The following CXorf58 variants were observed in gnomAD, a reference collection of about 807,000 sequenced individuals.
CXorf58 encodes chromosome X open reading frame 58.
CXorf58 carries 24 observed loss-of-function variants against 26.0 expected under a neutral mutation model. That is an observed-to-expected ratio of 0.92 (90% CI 0.67 to 1.30). CXorf58 has a LOEUF of 1.30. CXorf58 is among the 50% of genes most tolerant of loss of function. The pLI is 0.00. For synonymous variants in CXorf58, 87 were observed against 86.1 expected (o/e 1.01, Z -0.06); for missense variants, 236 against 263.9 (o/e 0.89, Z 0.73).
chrX:23,922,245 G>A (rs1927890155), intron 5 of CXorf58, among the ~76,000 whole-genome samples: 1 of 109,848 alleles, frequency 9.1e-6, no homozygotes, highest in South Asian at 4.0e-4. Context: ...GCGGTGGCAC[G>A]TGCCTGTAAT....
intron 5 of CXorf58, among the ~76,000 whole-genome samples, chrX:23,922,010 A>T (rs1311952332): frequency 2.7e-5 from 3 of 110,956 alleles, no homozygotes; most frequent in East Asian, 2.8e-4. Context: ...GATCTTAAAC[A>T]TTTTATGCAC....
At chrX:23,931,151 A>G (rs1924009758) in intron 6 of CXorf58, among the ~76,000 whole-genome samples, 3 of 111,975 alleles carry the variant, frequency 2.7e-5, no homozygotes, top group African/African-American at 9.7e-5. Flanking sequence ...GCAGTGCCTT[A>G]GAGACTCCCA....
chrX:23,930,758 G>C (rs1168436082), intron 6 of CXorf58, among the ~76,000 whole-genome samples: 3 of 111,424 alleles, frequency 2.7e-5, no homozygotes, highest in East Asian at 5.6e-4. Flanking sequence ...TAGCAATAAA[G>C]TATTTTTTTT....
intron 5 of CXorf58, among the ~76,000 whole-genome samples, chrX:23,923,239 C>A (rs1165829857): frequency 9.0e-6 from 1 of 111,411 alleles, no homozygotes; most frequent in East Asian, 2.8e-4. Context: ...TGCTGCCAGG[C>A]ATGTTTTTCT....
intron 3 of CXorf58, among the ~76,000 whole-genome samples, chrX:23,915,426 A>G (rs1433757426): frequency 3.6e-5 from 4 of 111,627 alleles, no homozygotes; most frequent in African/African-American, 1.3e-4. Context: ...GTTGATAAGT[A>G]ATTATAATAT....
chrX:23,911,389 A>C (rs1308071481), intron 2 of CXorf58, among the ~76,000 whole-genome samples: 1 of 111,819 alleles, frequency 8.9e-6, no homozygotes, highest in African/African-American at 3.3e-5. Flanking sequence ...CACTTGAACT[A>C]GTTGGACGTT....
At position 23,909,701 on chromosome X, in the gene CXorf58, C is replaced by CGT; in HGVS notation, c.-20-582_-20-581insGT. On this transcript the variant is annotated intron_variant, in intron 1 of 8. Transcript: ENST00000379211. ...TTTGGGAGCTGCATCCAAATTGGAG[C>CGT]ATTACTGCATCCAAACTCGTTGCTT... Among the ~76,000 whole-genome samples the CGT allele has an allele frequency of 1.8e-5, 2 of 110,942 alleles. 1 individual carries two copies. Among genetic ancestry groups the CGT allele is most frequent in the East Asian group, 5.6e-4 (2 of 3,543 alleles).
In CXorf58 at chrX:23,922,625, G is replaced by C. The variant is rs958154518; in HGVS notation, c.424-4614G>C. 2.7e-5 allele frequency among the ~76,000 whole-genome samples: 3 copies of C among 112,121 alleles called. No individual in the cohort carries two copies. In the Admixed American group the frequency reaches 2.8e-4, roughly 11 times the overall value. On this transcript the variant is annotated intron_variant, in intron 5 of 8. Coordinates refer to ENST00000379211, the MANE Select transcript of CXorf58 (RefSeq NM_152761.3). ...AGGAAGCTAGAAGTTGGAAAGACTT[G>C]CCAGGAGCATAACTGAGACTTGAAC... is the stretch of plus-strand genomic sequence containing the variant.
At chrX:23,934,742 T>TA (rs1483702930) in intron 6 of CXorf58, among the ~76,000 whole-genome samples, 1 of 109,856 alleles carries the variant, frequency 9.1e-6, no homozygotes, top group Non-Finnish European at 1.9e-5. Flanking sequence ...CAGGCTGGTC[T>TA]CGAACTCCCG....
chrX:23,921,146 C>T (rs1470792908), intron 5 of CXorf58, among the ~76,000 whole-genome samples: 1 of 111,165 alleles, frequency 9.0e-6, no homozygotes, highest in Non-Finnish European at 1.9e-5. Flanking sequence ...TGGGTCTACT[C>T]CTGCCACCCC....
At chrX:23,920,751 T>C (rs1408792751) in intron 5 of CXorf58, among the ~76,000 whole-genome samples, 30 of 106,552 alleles carry the variant, frequency 2.8e-4, no homozygotes, top group African/African-American at 1.1e-3. Flanking sequence ...ATTAGCCGGG[T>C]GTGGTGGTGG....
chrX:23,929,405 CAAAAAAA>C (rs1169185534), intron 6 of CXorf58, among the ~76,000 whole-genome samples: 1 of 36,471 alleles, frequency 2.7e-5, no homozygotes. Flanking sequence ...GACTGTGTCT[CAAAAAAA>C]AAAAAAAAAA....
intron 5 of CXorf58, among the ~76,000 whole-genome samples, chrX:23,919,418 G>A (rs758843898): frequency 6.2e-5 from 7 of 112,078 alleles, no homozygotes; most frequent in Non-Finnish European, 1.1e-4. Flanking sequence ...CTTTCTGCTC[G>A]ATTATTTTTA....
chrX:23,934,969 A>G (rs778755316), intron 6 of CXorf58, among the ~76,000 whole-genome samples: 3 of 109,918 alleles, frequency 2.7e-5, no homozygotes, highest in Admixed American at 2.0e-4. Context: ...AGTTCAAGCA[A>G]TTCTCCTGCC....
At chrX:23,923,978 A>G (rs1329038765) in intron 5 of CXorf58, among the ~76,000 whole-genome samples, 3 of 111,729 alleles carry the variant, frequency 2.7e-5, no homozygotes, top group Admixed American at 1.9e-4. Flanking sequence ...AGGCAGGAGA[A>G]TCGCTCGAAT....
At chrX:23,931,904 GA>G (rs1225440324) in intron 6 of CXorf58, among the ~76,000 whole-genome samples, 1 of 112,328 alleles carries the variant, frequency 8.9e-6, no homozygotes. Flanking sequence ...AACACATTTA[GA>G]ACACTTTTAG....
rs778109973 is a variant in CXorf58, at chrX:23,920,284, C to T, written c.423+3956C>T. On this transcript the variant is annotated intron_variant, in intron 5 of 8. Transcript: ENST00000379211. ...CAGTACAGGTTTTACTCCTTGGACCCTTATACATGACTATATTTAAGTTTT... is the reference window on the plus strand; with the variant it reads ...CAGTACAGGTTTTACTCCTTGGACCTTTATACATGACTATATTTAAGTTTT... Among the ~76,000 whole-genome samples the T allele has an allele frequency of 2.9e-4, 33 of 112,703 alleles. 1 individual carries two copies. The highest frequency in any genetic ancestry group is 2.4e-4 in the Non-Finnish European group (13 of 53,331).
rs1467071945 is a variant in CXorf58, at chrX:23,938,556, C to T, written c.795C>T (p.Tyr265=). Residue 265 remains tyrosine (Y), a synonymous_variant, in exon 8 of 9, where the codon TAC becomes TAT. Transcript: ENST00000379211. ...TACAAACATTTTCTAGGGGTCCATA[C>T]TTAACTGTCCAACCTCTATATCGGC... The part of the protein sequence containing the change: ...LRIVSEIRGP[Y]LTVQPLYRPY... The T allele has an allele frequency of 1.7e-6, 2 of 1,158,054 alleles. No individual in the cohort carries two copies. The highest frequency in any genetic ancestry group is 3.1e-5 in the East Asian group (1 of 32,591).
At position 23,927,224 on chromosome X, in the gene CXorf58, C is replaced by A; in HGVS notation, c.424-15C>A. 1 of 1,115,856 alleles carries A rather than the reference C, an allele frequency of 9.0e-7. No individual in the cohort carries two copies. 92.0% of individuals were successfully genotyped at this position (1,115,856 alleles called of 1,213,427 possible). A position where few individuals can be genotyped will look rare whatever the true frequency, so the allele number is the denominator to read the frequency against. ...TTCTACTATTTTTAAAGTCTATTTT[C>A]TATTCTTTTTACAGGCAGTGGATGA... On this transcript the variant is annotated splice_polypyrimidine_tract_variant and intron_variant, in intron 5 of 8. Coordinates refer to ENST00000379211, the MANE Select transcript of CXorf58 (RefSeq NM_152761.3).
Sources: gnomAD v4.1 joint callset for allele counts (sites outside exome capture counted in the v4.1 genomes callset) on GRCh38, gnomAD v4.1.1 for gene constraint, MANE v1.5 for transcripts, NCBI Gene and HGNC (gene_info 2026-07-23, HGNC 2026-07-21) for gene names.